Variants in SLC35D4 observed in about 807,000 individuals in gnomAD.
The protein encoded by SLC35D4 is UDP-N-acetylglucosamine transporter SLC35D4.
At chr18:23,371,505 A>G in the SLC35D4 span, 7 of 1,553,690 alleles carry the variant, frequency 4.5e-6, no homozygotes, top group Middle Eastern at 1.7e-4. Flanking sequence ...AAAAATGGCT[A>G]TAAGTGCAAG....
At chr18:23,403,272 G>T in the SLC35D4 span, among the ~76,000 whole-genome samples, 1 of 152,080 alleles carries the variant, frequency 6.6e-6, no homozygotes, top group Non-Finnish European at 1.5e-5. Flanking sequence ...TATGTGTTTT[G>T]TTCATATAAA....
the SLC35D4 span, among the ~76,000 whole-genome samples, chr18:23,339,096 G>T: frequency 1.3e-5 from 2 of 152,108 alleles, no homozygotes; most frequent in Non-Finnish European, 2.9e-5. Context: ...TTGCTATGTT[G>T]CCCAGGCTGG....
chr18:23,431,139 G>A, the SLC35D4 span, among the ~76,000 whole-genome samples: 1 of 89,758 alleles, frequency 1.1e-5, no homozygotes, highest in Admixed American at 1.8e-4. Flanking sequence ...GGGCAACAAA[G>A]TGAGAGTATA....
chr18:23,332,977 C>G, the SLC35D4 span, among the ~76,000 whole-genome samples: 749 of 152,224 alleles, frequency 4.9e-3, 7 homozygotes, highest in Non-Finnish European at 7.1e-3. Context: ...TCTCTATAGT[C>G]TCATCTCCAC....
At chr18:23,416,951 C>CA in the SLC35D4 span, among the ~76,000 whole-genome samples, 1 of 152,112 alleles carries the variant, frequency 6.6e-6, no homozygotes, top group Non-Finnish European at 1.5e-5. Context: ...TTCAAAACAT[C>CA]AATTAGAAGG....
At chr18:23,392,767 A>G in the SLC35D4 span, among the ~76,000 whole-genome samples, 1 of 152,126 alleles carries the variant, frequency 6.6e-6, no homozygotes, top group Non-Finnish European at 1.5e-5. Flanking sequence ...CACTTTACCC[A>G]AGTCCACTAA....
chr18:23,279,345 A>G, the SLC35D4 span, among the ~76,000 whole-genome samples: 1 of 152,228 alleles, frequency 6.6e-6, no homozygotes, highest in African/African-American at 2.4e-5. Flanking sequence ...GAACTTGTTC[A>G]TATAAACAGC....
the SLC35D4 span, among the ~76,000 whole-genome samples, chr18:23,320,234 A>AT: frequency 1.3e-5 from 2 of 151,868 alleles, no homozygotes; most frequent in African/African-American, 4.8e-5. Context: ...CACTTTGAGT[A>AT]TTTTCTACTG....
At chr18:23,330,841 A>C in the SLC35D4 span, among the ~76,000 whole-genome samples, 1 of 152,310 alleles carries the variant, frequency 6.6e-6, no homozygotes, top group African/African-American at 2.4e-5. Context: ...CGGGGGGTCC[A>C]GACACAAGCA....
chr18:23,247,793 A>C, the SLC35D4 span, among the ~76,000 whole-genome samples: 1 of 152,240 alleles, frequency 6.6e-6, no homozygotes, highest in Non-Finnish European at 1.5e-5. Flanking sequence ...AGGCCAGGAC[A>C]GAAGGCCGGG....
chr18:23,326,122 G>A, the SLC35D4 span, among the ~76,000 whole-genome samples: 9 of 152,230 alleles, frequency 5.9e-5, no homozygotes, highest in Non-Finnish European at 1.2e-4. Flanking sequence ...GTTTCTGGTG[G>A]TCACTGACTG....
chr18:23,280,850 G>C, the SLC35D4 span, among the ~76,000 whole-genome samples: 1 of 151,852 alleles, frequency 6.6e-6, no homozygotes, highest in Non-Finnish European at 1.5e-5. Context: ...ATGCCCCCCC[G>C]TCTCCTCTTC....
chr18:23,256,772 A>G, the SLC35D4 span, among the ~76,000 whole-genome samples: 24 of 152,212 alleles, frequency 1.6e-4, no homozygotes, highest in Non-Finnish European at 2.9e-4. Flanking sequence ...GGCGTGAGCC[A>G]CCACCGGTTT....
the SLC35D4 span, among the ~76,000 whole-genome samples, chr18:23,363,800 G>A: frequency 6.6e-6 from 1 of 152,142 alleles, no homozygotes; most frequent in Admixed American, 6.5e-5. Context: ...CAGCAGTATG[G>A]GTAAGCAGAA....
chr18:23,332,094 T>C, the SLC35D4 span, among the ~76,000 whole-genome samples: 4 of 151,750 alleles, frequency 2.6e-5, no homozygotes, highest in Non-Finnish European at 4.4e-5. Context: ...GAGGTTTCAC[T>C]ATGTTGCCTA....
At chr18:23,377,636 G>A in the SLC35D4 span, 3 of 1,576,838 alleles carry the variant, frequency 1.9e-6, no homozygotes, top group Non-Finnish European at 2.6e-6. Flanking sequence ...GGGGAGGGCA[G>A]TAAACTTACC....
the SLC35D4 span, among the ~76,000 whole-genome samples, chr18:23,275,577 G>C: frequency 6.7e-6 from 1 of 149,496 alleles, no homozygotes; most frequent in Non-Finnish European, 1.5e-5. Flanking sequence ...GCCTCTTCAG[G>C]AGCTGGGTCA....
the SLC35D4 span, among the ~76,000 whole-genome samples, chr18:23,320,230 G>A: frequency 1.3e-5 from 2 of 151,862 alleles, no homozygotes; most frequent in African/African-American, 4.8e-5. Context: ...GTTTCACTTT[G>A]AGTATTTTCT....
At chr18:23,405,012 A>C in the SLC35D4 span, among the ~76,000 whole-genome samples, 28 of 150,236 alleles carry the variant, frequency 1.9e-4, no homozygotes, top group Admixed American at 1.4e-3. Flanking sequence ...AAAAAAAAAA[A>C]AAAAAAAAAA....
Sources: gnomAD v4.1 joint callset for allele counts (sites outside exome capture counted in the v4.1 genomes callset) on GRCh38, gnomAD v4.1.1 for gene constraint, MANE v1.5 for transcripts, NCBI Gene and HGNC (gene_info 2026-07-23, HGNC 2026-07-21) for gene names.